The following CYYR1 variants were observed in gnomAD, a reference collection of about 807,000 sequenced individuals.
CYYR1 encodes cysteine and tyrosine rich 1.
A neutral mutation model predicts 15.2 loss-of-function variants in CYYR1; 14 were observed. That is an observed-to-expected ratio of 0.92 (90% CI 0.61 to 1.44). The LOEUF (loss-of-function observed/expected upper bound fraction) is 1.44, where lower values mean the gene tolerates loss of function less well. Ranked by LOEUF, CYYR1 falls within the 40% of genes most tolerant of loss-of-function variation. The probability of loss-of-function intolerance (pLI) is 0.00; values close to 1 mark genes in which losing one functional copy is unlikely to be tolerated. For missense variants in CYYR1, 228 were observed against 209.5 expected (o/e 1.09, Z -0.54); for synonymous variants, 80 against 77.4 (o/e 1.03, Z -0.18).
chr21:26,510,493 A>G (rs976273572), intron 2 of CYYR1, among the ~76,000 whole-genome samples: 2 of 152,214 alleles, frequency 1.3e-5, no homozygotes, highest in Middle Eastern at 3.2e-3. Context: ...AGCAAAATTC[A>G]TTCAACAGTG....
At chr21:26,554,442 G>A (rs573486398) in intron 2 of CYYR1, among the ~76,000 whole-genome samples, 1 of 152,234 alleles carries the variant, frequency 6.6e-6, no homozygotes, top group African/African-American at 2.4e-5. Flanking sequence ...AGGGTAACAT[G>A]GCAGACTTGT....
intron 2 of CYYR1, among the ~76,000 whole-genome samples, chr21:26,552,406 T>C (rs565409759): frequency 1.3e-5 from 2 of 152,232 alleles, no homozygotes; most frequent in East Asian, 3.9e-4. Context: ...ATGAATAACA[T>C]ATATTTGAGT....
intron 2 of CYYR1, among the ~76,000 whole-genome samples, chr21:26,485,891 A>G (rs532984881): frequency 6.6e-6 from 1 of 152,256 alleles, no homozygotes; most frequent in Non-Finnish European, 1.5e-5. Flanking sequence ...AGTTATTTAC[A>G]TTCCTACCAG....
intron 3 of CYYR1, among the ~76,000 whole-genome samples, chr21:26,479,422 A>G (rs1041633869): frequency 2.0e-5 from 3 of 152,108 alleles, no homozygotes; most frequent in African/African-American, 7.2e-5. Flanking sequence ...AAGAAAAGAC[A>G]TGAGTATGGA....
intron 2 of CYYR1, among the ~76,000 whole-genome samples, chr21:26,488,787 C>A (rs540672721): frequency 3.0e-4 from 45 of 152,090 alleles, no homozygotes; most frequent in Admixed American, 2.2e-3. Context: ...ACCATGAAGA[C>A]AAGAGCCATA....
intron 2 of CYYR1, among the ~76,000 whole-genome samples, chr21:26,501,607 T>C (rs956921322): frequency 3.9e-5 from 6 of 152,224 alleles, no homozygotes; most frequent in Non-Finnish European, 8.8e-5. Flanking sequence ...ACTTTTCTAT[T>C]CTGTTCACAA....
intron 3 of CYYR1, among the ~76,000 whole-genome samples, chr21:26,472,265 C>G (rs2065044558): frequency 6.6e-6 from 1 of 152,034 alleles, no homozygotes; most frequent in African/African-American, 2.4e-5. Flanking sequence ...CCACTATTCA[C>G]TATTTTGAGG....
chr21:26,528,269 A>C (rs762386138), intron 2 of CYYR1, among the ~76,000 whole-genome samples: 1 of 152,076 alleles, frequency 6.6e-6, no homozygotes, highest in Non-Finnish European at 1.5e-5. Context: ...AACTGATATG[A>C]TTTGGATATG....
chr21:26,526,172 G>A (rs2065862728), intron 2 of CYYR1, among the ~76,000 whole-genome samples: 1 of 152,164 alleles, frequency 6.6e-6, no homozygotes, highest in Non-Finnish European at 1.5e-5. Context: ...AGTTAAGCTG[G>A]AGTGGTGTCT....
intron 2 of CYYR1, among the ~76,000 whole-genome samples, chr21:26,552,870 G>A (rs750631488): frequency 1.3e-5 from 2 of 151,956 alleles, no homozygotes; most frequent in African/African-American, 2.4e-5. Context: ...TTAAATAGTC[G>A]ATTGCATTTT....
intron 2 of CYYR1, among the ~76,000 whole-genome samples, chr21:26,554,025 C>A (rs1330935000): frequency 1.3e-5 from 2 of 152,204 alleles, no homozygotes; most frequent in African/African-American, 2.4e-5. Context: ...GTAGGTTATG[C>A]ACAATATCAT....
rs996056486 is a variant in CYYR1 at position 26,572,754 on chromosome 21, C to T, written c.73+114G>A. ...CTCGCGGAAAAGGCAGAAGCGTCTG[C>T]AAAGGTCCTTCTGCAAAGGTCCCGG... On this transcript the variant is annotated intron_variant, in intron 1 of 3. Transcript: ENST00000652641. The T allele has an allele frequency of 1.2e-5, 16 of 1,309,226 alleles. No homozygotes were observed. The African/African-American group carries it at 2.3e-4, about 19-fold the overall frequency. The allele number at this position is 1,309,226 out of a possible 1,614,324, so 81.1% of individuals were successfully genotyped here. A position where few individuals can be genotyped will look rare whatever the true frequency, so the allele number is the denominator to read the frequency against.
chr21:26,508,040 G>A (rs951344791), intron 2 of CYYR1, among the ~76,000 whole-genome samples: 1 of 152,186 alleles, frequency 6.6e-6, no homozygotes, highest in Non-Finnish European at 1.5e-5. Context: ...CTGAAGGTGA[G>A]ATCAAGGAAG....
At chr21:26,503,817 A>T (rs1019309861) in intron 2 of CYYR1, 1 of 152,230 alleles carries the variant, frequency 6.6e-6, no homozygotes, top group Non-Finnish European at 1.5e-5. Context: ...AAAAATTTGA[A>T]TTGTACAAAT....
In CYYR1 at chr21:26,567,205, A is replaced by C. The variant is rs373082954; in HGVS notation, c.74-837T>G. Among the ~76,000 whole-genome samples, 6 of 152,280 alleles carry C rather than the reference A, an allele frequency of 3.9e-5. 1 individual carries two copies. The highest frequency in any genetic ancestry group is 1.4e-4 in the African/African-American group (6 of 41,546). On this transcript the variant is annotated intron_variant, in intron 1 of 3. Coordinates refer to ENST00000652641, the MANE Select transcript of CYYR1 (RefSeq NM_001320768.2). ...TTACCTGTATAATTACAGTTTGCATATGTGTGGTAACACAATGAGTCTGCA... is the reference window on the plus strand; with the variant it reads ...TTACCTGTATAATTACAGTTTGCATCTGTGTGGTAACACAATGAGTCTGCA...
chr21:26,483,828 G>A lies in CYYR1; in HGVS notation c.177-3399C>T, dbSNP rs142364392. ...ACTATAGCTGTGGAACCTTGGGCAT[G>A]TTGCTCAATCTCTCTGTGCCTCAGT... On this transcript the variant is annotated intron_variant, in intron 2 of 3. Coordinates refer to ENST00000652641, the MANE Select transcript of CYYR1 (RefSeq NM_001320768.2). Among the ~76,000 whole-genome samples, 507 of 152,218 alleles carry A rather than the reference G, an allele frequency of 3.3e-3. 3 individuals are homozygous for A. The highest frequency in any genetic ancestry group is 6.8e-3 in the Middle Eastern group (2 of 294).
At chr21:26,571,958 T>A (rs944032301) in intron 1 of CYYR1, among the ~76,000 whole-genome samples, 56 of 152,204 alleles carry the variant, frequency 3.7e-4, no homozygotes, top group Non-Finnish European at 7.6e-4. Flanking sequence ...GAAATTCAAT[T>A]CTTTTAATAC....
At chr21:26,506,040 T>G (rs1601766115) in intron 2 of CYYR1, among the ~76,000 whole-genome samples, 1 of 152,264 alleles carries the variant, frequency 6.6e-6, no homozygotes, top group East Asian at 1.9e-4. Context: ...CATGGAACCA[T>G]GACCACACCA....
chr21:26,546,236 A>AC (rs1978968679), intron 2 of CYYR1, among the ~76,000 whole-genome samples: 1 of 152,202 alleles, frequency 6.6e-6, no homozygotes, highest in South Asian at 2.1e-4. Context: ...ATTTGAGAAA[A>AC]CTTCTGTTAG....
Sources: gnomAD v4.1 joint callset for allele counts (sites outside exome capture counted in the v4.1 genomes callset) on GRCh38, gnomAD v4.1.1 for gene constraint, MANE v1.5 for transcripts, NCBI Gene and HGNC (gene_info 2026-07-23, HGNC 2026-07-21) for gene names.